The following TMEM254 variants were observed in gnomAD, a reference collection of about 807,000 sequenced individuals.
TMEM254 encodes transmembrane protein C10orf57.
TMEM254 carries 16 observed loss-of-function variants against 13.9 expected under a neutral mutation model. That is an observed-to-expected ratio of 1.15 (90% confidence interval 0.78 to 1.75). The LOEUF is 1.75. Ranked by LOEUF, TMEM254 falls within the 40% of genes most tolerant of loss-of-function variation. The probability of loss-of-function intolerance (pLI) is 0.00; values close to 1 mark genes in which losing one functional copy is unlikely to be tolerated. For missense variants in TMEM254, 155 were observed against 149.0 expected (o/e 1.04, Z -0.21); for synonymous variants, 61 against 56.4 (o/e 1.08, Z -0.36).
At chr10:80,088,433 G>GTT (rs58187971) in intron 3 of TMEM254, among the ~76,000 whole-genome samples, 15,363 of 149,510 alleles carry the variant, frequency 0.1, 938 homozygotes, top group South Asian at 0.21. Context: ...TTTCCATTAT[G>GTT]TTTTTTTTCT....
At chr10:80,083,270 A>C (rs1055160698) in intron 3 of TMEM254, among the ~76,000 whole-genome samples, 1 of 151,782 alleles carries the variant, frequency 6.6e-6, no homozygotes, top group Non-Finnish European at 1.5e-5. Context: ...TGCCTGGCTA[A>C]TTTTTGTATT....
intron 3 of TMEM254, among the ~76,000 whole-genome samples, chr10:80,085,968 TGTAGA>T (rs1197366929): frequency 6.6e-6 from 1 of 152,164 alleles, no homozygotes; most frequent in Non-Finnish European, 1.5e-5. Context: ...AAAATTTGTA[TGTAGA>T]GTAGATTTTA....
rs1844080677 is a variant in TMEM254 at position 80,082,330 on chromosome 10, A to G, written c.251+126A>G. On this transcript the variant is annotated intron_variant, in intron 3 of 3. Transcript: ENST00000372281. ...ATTCTCAGGGTAGAGCGGAATCCCC[A>G]TGCCTGATACTGAGCCTGGAGCAGA... The G allele has an allele frequency of 4.6e-6, 5 of 1,083,432 alleles. No homozygotes were observed. The South Asian group carries it at 7.0e-5, about 15-fold the overall frequency. 67.1% of individuals were successfully genotyped at this position (1,083,432 alleles called of 1,614,324 possible). A position where few individuals can be genotyped will look rare whatever the true frequency, so the allele number is the denominator to read the frequency against.
chr10:80,084,352 G>A (rs766310097), intron 3 of TMEM254, among the ~76,000 whole-genome samples: 9 of 152,064 alleles, frequency 5.9e-5, no homozygotes, highest in East Asian at 3.9e-4. Flanking sequence ...GATCACTTCC[G>A]TCCTTCAGGT....
chr10:80,078,824 G>C, intron 1 of TMEM254, 38 bp downstream of exon 1: 2 of 1,565,068 alleles, frequency 1.3e-6, no homozygotes, highest in East Asian at 4.8e-5. Context: ...TCTGACGAAC[G>C]AGCGAGCGCT....
intron 1 of TMEM254, 156 bp downstream of exon 1, chr10:80,078,942 C>T (rs1843794212): frequency 1.3e-6 from 2 of 1,525,424 alleles, no homozygotes; most frequent in Non-Finnish European, 1.8e-6. Flanking sequence ...CCAGACTCCG[C>T]AATGAGAGCA....
intron 3 of TMEM254, among the ~76,000 whole-genome samples, chr10:80,089,174 G>A (rs562701960): frequency 1.2e-4 from 18 of 152,032 alleles, no homozygotes; most frequent in African/African-American, 3.9e-4. Flanking sequence ...TTTCAATTCT[G>A]TATACCTTTT....
chr10:80,080,220 G>C (rs1002885518), intron 1 of TMEM254, among the ~76,000 whole-genome samples: 5 of 152,196 alleles, frequency 3.3e-5, no homozygotes, highest in Admixed American at 1.3e-4. Flanking sequence ...CCTTTGGTTT[G>C]GGAGGATGCA....
Position 80,084,712 on chromosome 10 carries a change from G to A in TMEM254, c.251+2508G>A, listed in dbSNP as rs190600457. ...ATCGCAGTAGAATCTCAGATTGGAA[G>A]TGTCCGGTCCAGCCCCTCAACTTGG... On this transcript the variant is annotated intron_variant, in intron 3 of 3. Coordinates refer to ENST00000372281, the MANE Select transcript of TMEM254 (RefSeq NM_025125.4). Among the ~76,000 whole-genome samples the A allele has an allele frequency of 3.3e-5, 5 of 152,320 alleles. 1 individual carries two copies. Among genetic ancestry groups the A allele is most frequent in the African/African-American group, 1.2e-4 (5 of 41,558 alleles).
intron 3 of TMEM254, among the ~76,000 whole-genome samples, chr10:80,088,433 GT>G (rs58187971): frequency 2.0e-5 from 3 of 149,602 alleles, no homozygotes; most frequent in Admixed American, 6.6e-5. Context: ...TTTCCATTAT[GT>G]TTTTTTTCTT....
At chr10:80,081,257 G>C (rs187625741) in intron 1 of TMEM254, among the ~76,000 whole-genome samples, 4 of 137,974 alleles carry the variant, frequency 2.9e-5, no homozygotes, top group African/African-American at 8.2e-5. Flanking sequence ...TCTCTACAAA[G>C]AAAACAAAAG....
chr10:80,079,337 T>C, intron 1 of TMEM254: 1 of 1,189,472 alleles, frequency 8.4e-7, no homozygotes, highest in Non-Finnish European at 1.1e-6. Context: ...GCTCTTAGGA[T>C]AGTTTCTGCT....
chr10:80,086,714 A>G (rs999218275), intron 3 of TMEM254, among the ~76,000 whole-genome samples: 4 of 151,606 alleles, frequency 2.6e-5, no homozygotes, highest in African/African-American at 9.7e-5. Flanking sequence ...GGTGGCGGGC[A>G]CCTGTAGTCC....
At chr10:80,090,744 A>G in intron 3 of TMEM254, 53 bp from the exon 4 acceptor site, 2 of 1,569,906 alleles carry the variant, frequency 1.3e-6, no homozygotes, top group Middle Eastern at 2.3e-4. Context: ...AATAACTCCC[A>G]TGAAACTGTA....
intron 3 of TMEM254, among the ~76,000 whole-genome samples, chr10:80,087,830 C>T (rs1844388726): frequency 6.6e-6 from 1 of 152,152 alleles, no homozygotes. Context: ...ATAGGCACTC[C>T]TTGTTTTTTA....
At chr10:80,085,128 T>C (rs1844247868) in intron 3 of TMEM254, among the ~76,000 whole-genome samples, 1 of 152,140 alleles carries the variant, frequency 6.6e-6, no homozygotes, top group Non-Finnish European at 1.5e-5. Context: ...CCCTCAAATT[T>C]AATATACAAT....
intron 2 of TMEM254, 40 bp downstream of exon 2, chr10:80,081,984 T>G (rs1259135484): frequency 2.5e-6 from 4 of 1,601,448 alleles, no homozygotes. Context: ...ACACTGGAGC[T>G]CTGGTCTCAT....
intron 3 of TMEM254, among the ~76,000 whole-genome samples, chr10:80,089,713 G>A (rs1473158361): frequency 6.6e-6 from 1 of 151,804 alleles, no homozygotes; most frequent in Non-Finnish European, 1.5e-5. Context: ...GTTGAAATTT[G>A]TCAAATGCAG....
At chr10:80,084,925 A>G (rs1319146595) in intron 3 of TMEM254, among the ~76,000 whole-genome samples, 1 of 152,076 alleles carries the variant, frequency 6.6e-6, no homozygotes, top group Admixed American at 6.5e-5. Flanking sequence ...TCCCTGGTTC[A>G]AGCGATTGTC....
Sources: gnomAD v4.1 joint callset for allele counts (sites outside exome capture counted in the v4.1 genomes callset) on GRCh38, gnomAD v4.1.1 for gene constraint, MANE v1.5 for transcripts, NCBI Gene and HGNC (gene_info 2026-07-23, HGNC 2026-07-21) for gene names.